Variants in MZT2A observed in about 807,000 individuals in gnomAD.
The protein encoded by MZT2A is mitotic spindle organizing protein 2A.
A neutral mutation model predicts 12.4 loss-of-function variants in MZT2A; 8 were observed. The observed-to-expected ratio is 0.64, with a 90% confidence interval of 0.38 to 1.16. MZT2A has a LOEUF of 1.16. MZT2A is among the 50% of genes most tolerant of loss of function. The pLI is 0.01. For synonymous variants in MZT2A, 88 were observed against 107.5 expected, an observed-to-expected ratio of 0.82 and a Z score of 1.12; for missense variants, 181 against 223.6, an observed-to-expected ratio of 0.81 and a Z score of 1.22.
At chr2:131,482,711 C>T, downstream of MZT2A, 4 of 1,614,164 alleles carry the variant, frequency 2.5e-6, no homozygotes, top group Non-Finnish European at 3.4e-6. Flanking sequence ...GGCCTTTGTG[C>T]ACTGGTACGT....
chr2:131,492,471 C>G (rs1406899663), upstream of MZT2A: 14 of 1,158,330 alleles, frequency 1.2e-5, no homozygotes, highest in Non-Finnish European at 1.4e-5. Flanking sequence ...TCTGGCCTCC[C>G]GGGCTGCCCT....
chr2:131,488,536 C>G (rs1165020600), intron 2 of MZT2A, among the ~76,000 whole-genome samples: 1 of 151,842 alleles, frequency 6.6e-6, no homozygotes, highest in Non-Finnish European at 1.5e-5. Flanking sequence ...GCCCCTCCCC[C>G]CGGATTACTC....
upstream of MZT2A, among the ~76,000 whole-genome samples, chr2:131,493,328 C>T (rs1467197578): frequency 6.6e-6 from 1 of 152,204 alleles, no homozygotes. Context: ...CTGGGCCATG[C>T]CTTTGTGCCA....
In MZT2A at chr2:131,492,366, T is replaced by TGC. The variant is rs1385972825; in HGVS notation, c.9_10dup (p.Gln4ArgfsTer4). The TGC allele has an allele frequency of 1.5e-6, 2 of 1,344,318 alleles. No individual in the cohort carries two copies. Among genetic ancestry groups the TGC allele is most frequent in the Non-Finnish European group, 1.9e-6 (2 of 1,057,990 alleles). The allele number at this position is 1,344,318 out of a possible 1,614,324, so 83.3% of individuals were successfully genotyped here. A position where few individuals can be genotyped will look rare whatever the true frequency, so the allele number is the denominator to read the frequency against. On this transcript the variant is annotated frameshift_variant, in exon 1 of 3. Transcript: ENST00000309451. LOFTEE classifies it high-confidence loss of function. ...CGACCCCGGCCCAGGCCCTACGCCC[T>TGC]GCGCCGCCATCCGCGAGGCCCGCCG... is the stretch of plus-strand genomic sequence containing the variant.
intron 2 of MZT2A, among the ~76,000 whole-genome samples, chr2:131,489,195 T>C (rs1679183375): frequency 6.7e-6 from 1 of 150,366 alleles, no homozygotes; most frequent in South Asian, 2.1e-4. Flanking sequence ...TCTTTTCCTT[T>C]CTTTTCTTTT....
chr2:131,480,068 G>C, downstream of MZT2A: 2 of 1,579,252 alleles, frequency 1.3e-6, no homozygotes, highest in South Asian at 2.3e-5. Flanking sequence ...GTTTCTCTCA[G>C]GCGGATCTGT....
At chr2:131,485,971 A>T (rs2622048) in intron 2 of MZT2A, among the ~76,000 whole-genome samples, 2,942 of 150,684 alleles carry the variant, frequency 0.02, 83 homozygotes, top group African/African-American at 0.058. Flanking sequence ...GGCCCTCCTT[A>T]TGAGTTTCCG....
intron 2 of MZT2A, chr2:131,490,211 T>G: frequency 1.3e-6 from 1 of 783,308 alleles, no homozygotes; most frequent in Non-Finnish European, 1.6e-6. Flanking sequence ...AACTCAGGAG[T>G]GAGGCGGGCA....
At chr2:131,482,688 T>C (rs376848710), downstream of MZT2A, 10 of 1,614,096 alleles carry the variant, frequency 6.2e-6, no homozygotes, top group South Asian at 1.1e-5. Context: ...TTCGATCTCA[T>C]GTATGCCAAG....
chr2:131,491,875 C>G lies in MZT2A; in HGVS notation c.319+1G>C, dbSNP rs1243726085. 1 of 1,486,088 alleles carries G rather than the reference C, an allele frequency of 6.7e-7. No homozygotes were observed. The highest frequency in any genetic ancestry group is 1.4e-5 in the African/African-American group (1 of 71,344). 92.1% of individuals were successfully genotyped at this position (1,486,088 alleles called of 1,614,324 possible). A position where few individuals can be genotyped will look rare whatever the true frequency, so the allele number is the denominator to read the frequency against. ...GCAGGGACAGCGGGCCCAGCTCTGACCTCGGGTCTCGGGCACGCTCGACGT... is the reference window on the plus strand; with the variant it reads ...GCAGGGACAGCGGGCCCAGCTCTGAGCTCGGGTCTCGGGCACGCTCGACGT... On this transcript the variant is annotated splice_donor_variant, in intron 2 of 2. Coordinates refer to ENST00000309451, the MANE Select transcript of MZT2A (RefSeq NM_001085365.2). LOFTEE classifies it high-confidence loss of function.
At chr2:131,487,364 C>T (rs1679090819) in intron 2 of MZT2A, among the ~76,000 whole-genome samples, 1 of 151,918 alleles carries the variant, frequency 6.6e-6, no homozygotes, top group Non-Finnish European at 1.5e-5. Flanking sequence ...ACCTGTAGTC[C>T]CAGCTACTCA....
At position 131,490,685 on chromosome 2, in the gene MZT2A, C is replaced by A. The variant is rs547984279; in HGVS notation, c.319+1191G>T. On this transcript the variant is annotated intron_variant, in intron 2 of 2. Transcript: ENST00000309451. ...CCATGAAAACAAGGAAGAGCACCAA[C>A]CCCCAGAGATAAGCCAATAAACGCA... The A allele has an allele frequency of 3.0e-5, 47 of 1,549,434 alleles. 1 individual carries two copies. In the South Asian group the frequency reaches 4.6e-4, roughly 15 times the overall value.
At chr2:131,491,083 G>GGA in intron 2 of MZT2A, 2 of 894,692 alleles carry the variant, frequency 2.2e-6, no homozygotes, top group Non-Finnish European at 3.5e-6. Flanking sequence ...CTTCCAGGCA[G>GGA]GGAGCCAGCT....
At chr2:131,472,976 G>C (rs558219316) in intron 2 of MZT2A, among the ~76,000 whole-genome samples, 1 of 151,744 alleles carries the variant, frequency 6.6e-6, no homozygotes, top group Non-Finnish European at 1.5e-5. Context: ...TGGGGACAGG[G>C]CCTATAAGGA....
intron 2 of MZT2A, 28 bp from the exon 3 acceptor site, chr2:131,484,246 G>A (rs1355854276): frequency 6.2e-7 from 1 of 1,607,420 alleles, no homozygotes; most frequent in Non-Finnish European, 8.5e-7. Flanking sequence ...ACAATGATTA[G>A]GAATGGACGC....
chr2:131,473,032 C>T (rs1678509414), intron 2 of MZT2A, among the ~76,000 whole-genome samples: 1 of 152,138 alleles, frequency 6.6e-6, no homozygotes. Flanking sequence ...CCTGATCCAA[C>T]AGGATTCGTG....
At position 131,475,319 on chromosome 2, in the gene MZT2A, CTTTTTT is replaced by C. The variant is rs551443616; in HGVS notation, c.279-3143_279-3138del. On this transcript the variant is annotated intron_variant and NMD_transcript_variant, in intron 2 of 4. Coordinates refer to the MZT2A transcript ENST00000427024. ...TACGTTAATTTTGCCTCCTTTCTTC[CTTTTTT>C]TTTTTTTTTTTTTTTTTTTTGAAAC... 3.4e-3 allele frequency among the ~76,000 whole-genome samples: 322 copies of C among 94,522 alleles called. 1 individual carries two copies. The highest frequency in any genetic ancestry group is 0.012 in the African/African-American group (299 of 24,622). The allele number at this position is 94,522 out of a possible 152,430, so 62.0% of individuals were successfully genotyped here. A position where few individuals can be genotyped will look rare whatever the true frequency, so the allele number is the denominator to read the frequency against.
chr2:131,487,807 C>T lies in MZT2A; in HGVS notation c.320-3589G>A, dbSNP rs548212734. 2.6e-5 allele frequency among the ~76,000 whole-genome samples: 4 copies of T among 152,340 alleles called. No individual in the cohort carries two copies. The East Asian group carries it at 7.7e-4, about 29-fold the overall frequency. On this transcript the variant is annotated intron_variant, in intron 2 of 2. Transcript: ENST00000309451. ...TTTGAGACAGGGTCTCACTCTCTCACCCAGGCTGGAGTGCAGTGGTGCAGT... is the reference window on the plus strand; with the variant it reads ...TTTGAGACAGGGTCTCACTCTCTCATCCAGGCTGGAGTGCAGTGGTGCAGT...
At chr2:131,492,415 G>GC, upstream of MZT2A, 2 of 1,217,272 alleles carry the variant, frequency 1.6e-6, no homozygotes, top group East Asian at 3.7e-5. Flanking sequence ...GCCCCGCCGC[G>GC]CCCCCTAGCG....
Sources: allele counts gnomAD v4.1 joint callset (sites outside exome capture counted in the v4.1 genomes callset), GRCh38; gene constraint gnomAD v4.1.1; transcripts MANE v1.5; gene names NCBI Gene and HGNC (gene_info 2026-07-23, HGNC 2026-07-21).